Variants in CPEB1 observed in about 807,000 individuals in gnomAD.
CPEB1 encodes the protein cytoplasmic polyadenylation element-binding protein 1.
A neutral mutation model predicts 65.8 loss-of-function variants in CPEB1; 7 were observed. That is an observed-to-expected ratio of 0.11 (90% confidence interval 0.06 to 0.20). CPEB1 has a LOEUF of 0.20. Ranked by LOEUF, CPEB1 falls within the 10% of genes least tolerant of loss-of-function variation. The pLI is 1.00. For synonymous variants in CPEB1, 262 were observed against 260.0 expected (o/e 1.01, Z -0.08); for missense variants, 551 against 712.2 (o/e 0.77, Z 2.58).
intron 3 of CPEB1, among the ~76,000 whole-genome samples, chr15:82,604,314 T>C (rs932895093): frequency 2.6e-5 from 4 of 151,990 alleles, no homozygotes; most frequent in African/African-American, 9.7e-5. Flanking sequence ...AAACCCTGTC[T>C]CTACTAAAAT....
chr15:82,598,030 G>A (rs1187682088), intron 3 of CPEB1, among the ~76,000 whole-genome samples: 1 of 152,194 alleles, frequency 6.6e-6, no homozygotes, highest in Non-Finnish European at 1.5e-5. Flanking sequence ...TGTGAACCAG[G>A]AACCTGATGA....
chr15:82,583,225 T>C (rs753822030), intron 3 of CPEB1: 3 of 152,200 alleles, frequency 2.0e-5, no homozygotes, highest in Non-Finnish European at 4.4e-5. Flanking sequence ...TCCAATCTAC[T>C]GCTTATGGTA....
At chr15:82,647,677 C>A, upstream of CPEB1, 1 of 408,864 alleles carries the variant, frequency 2.4e-6, no homozygotes, top group Non-Finnish European at 4.0e-6. Context: ...CTGCCCCCCT[C>A]GCCCTCCACC....
At chr15:82,558,922 G>A (rs1389107789) in intron 4 of CPEB1, among the ~76,000 whole-genome samples, 1 of 151,128 alleles carries the variant, frequency 6.6e-6, no homozygotes, top group Non-Finnish European at 1.5e-5. Context: ...CTATGGGTGT[G>A]CTAAATCTAG....
At chr15:82,599,314 T>C (rs189656151) in intron 3 of CPEB1, among the ~76,000 whole-genome samples, 37 of 152,216 alleles carry the variant, frequency 2.4e-4, no homozygotes, top group African/African-American at 8.9e-4. Flanking sequence ...CCCTTCACGA[T>C]AGGTACTAGT....
At chr15:82,633,977 A>AG (rs1295232112) in intron 1 of CPEB1, among the ~76,000 whole-genome samples, 3 of 152,086 alleles carry the variant, frequency 2.0e-5, no homozygotes, top group Non-Finnish European at 4.4e-5. Flanking sequence ...AAAAAAAAAA[A>AG]AGAGGGTAGC....
At chr15:82,588,770 G>A (rs1302147019) in intron 3 of CPEB1, among the ~76,000 whole-genome samples, 1 of 152,102 alleles carries the variant, frequency 6.6e-6, no homozygotes, top group Non-Finnish European at 1.5e-5. Context: ...AATTCCCAAC[G>A]ATATGAGAAC....
upstream of CPEB1, chr15:82,648,002 T>C (rs587598496): frequency 4.0e-5 from 27 of 669,606 alleles, no homozygotes; most frequent in South Asian, 1.8e-3. Flanking sequence ...ATGAAGCTCC[T>C]ACGAGCCGCT....
chr15:82,628,424 G>A lies in CPEB1; in HGVS notation c.36C>T (p.Ser12=). 1 of 702,946 alleles carries A rather than the reference G, an allele frequency of 1.4e-6. No homozygotes were observed. Among genetic ancestry groups the A allele is most frequent in the Non-Finnish European group, 2.6e-6 (1 of 384,990 alleles). The allele number at this position is 702,946 out of a possible 1,614,324, so 43.5% of individuals were successfully genotyped here. A position where few individuals can be genotyped will look rare whatever the true frequency, so the allele number is the denominator to read the frequency against. ...FSGIATSTSS[S]MSGTGLEHSS... is the part of the protein sequence containing the mutation. ...AGTGCTCCAAACCAGTGCCAGACAT[G>A]GAAGACGATGTTGAAGTAGCAATGC... Residue 12 remains serine (S), a synonymous_variant, in exon 2 of 13, where the codon TCC becomes TCT. Coordinates refer to ENST00000684509, the MANE Select transcript of CPEB1 (RefSeq NM_001365242.1).
At chr15:82,584,282 A>AAAAAC (rs1223998335) in intron 3 of CPEB1, among the ~76,000 whole-genome samples, 1 of 150,882 alleles carries the variant, frequency 6.6e-6, no homozygotes, top group Non-Finnish European at 1.5e-5. Flanking sequence ...AAAAAAAAAA[A>AAAAAC]AGCTACGTTT....
intron 3 of CPEB1, among the ~76,000 whole-genome samples, chr15:82,582,287 C>T (rs1448861108): frequency 2.6e-5 from 4 of 152,116 alleles, no homozygotes; most frequent in East Asian, 1.9e-4. Flanking sequence ...GAGTGTTCTG[C>T]GTAATTCAGG....
chr15:82,550,682 G>GCT (rs201487219), intron 9 of CPEB1, among the ~76,000 whole-genome samples: 272 of 152,348 alleles, frequency 1.8e-3, no homozygotes, highest in African/African-American at 6.4e-3. Flanking sequence ...CCCACAGGAA[G>GCT]GTGAGGCTCA....
intron 9 of CPEB1, among the ~76,000 whole-genome samples, chr15:82,550,432 G>A (rs113394039): frequency 6.6e-6 from 1 of 152,328 alleles, no homozygotes; most frequent in African/African-American, 2.4e-5. Flanking sequence ...TGGTGGCAAC[G>A]AGCAGAGAAC....
intron 3 of CPEB1, among the ~76,000 whole-genome samples, chr15:82,610,463 G>T (rs948720273): frequency 1.3e-5 from 2 of 152,006 alleles, no homozygotes; most frequent in Non-Finnish European, 2.9e-5. Context: ...ATCTAAGATG[G>T]ATTACACACT....
intron 1 of CPEB1, chr15:82,629,774 A>C: frequency 2.0e-6 from 2 of 985,444 alleles, no homozygotes; most frequent in Non-Finnish European, 2.4e-6. Context: ...AAACAAGAAG[A>C]GGCCCAATGT....
chr15:82,545,889 C>T (rs2035101795), intron 12 of CPEB1, among the ~76,000 whole-genome samples: 1 of 152,192 alleles, frequency 6.6e-6, no homozygotes, highest in Non-Finnish European at 1.5e-5. Flanking sequence ...TACAAAACCA[C>T]CTCTCAGCAA....
chr15:82,625,577 T>C (rs2045689688), intron 3 of CPEB1, among the ~76,000 whole-genome samples: 4 of 152,200 alleles, frequency 2.6e-5, no homozygotes, highest in Admixed American at 2.6e-4. Context: ...AGTCTTGCAG[T>C]TGGTCCTGAG....
chr15:82,645,217 A>C (rs113141059), intron 1 of CPEB1, among the ~76,000 whole-genome samples: 2,252 of 152,198 alleles, frequency 0.015, 57 homozygotes, highest in African/African-American at 0.051. Context: ...GCAGTGGCTG[A>C]TCTCGGCTCA....
chr15:82,641,967 T>C (rs1440213457), intron 1 of CPEB1, among the ~76,000 whole-genome samples: 12 of 152,196 alleles, frequency 7.9e-5, no homozygotes, highest in Non-Finnish European at 1.5e-5. Flanking sequence ...AATGTGAATT[T>C]AGCACTCTGA....
Sources: allele counts gnomAD v4.1 joint callset (sites outside exome capture counted in the v4.1 genomes callset), GRCh38; gene constraint gnomAD v4.1.1; transcripts MANE v1.5; gene names NCBI Gene and HGNC (gene_info 2026-07-23, HGNC 2026-07-21).